The following NALCN variants were observed in gnomAD, a reference collection of about 807,000 sequenced individuals.
NALCN encodes the protein sodium leak channel NALCN.
In NALCN, 111 loss-of-function variants were observed where a neutral mutation model predicts 225.3. That is an observed-to-expected ratio of 0.49 (90% CI 0.42 to 0.58). The LOEUF is 0.58. Ranked by LOEUF, NALCN falls within the 20% of genes least tolerant of loss-of-function variation. NALCN has a pLI of 0.00. For missense variants in NALCN, 1,378 were observed against 2,202.4 expected (o/e 0.63, Z 7.49); for synonymous variants, 764 against 769.0 (o/e 0.99, Z 0.11).
chr13:101,362,220 G>A (rs2046270581), intron 6 of NALCN, among the ~76,000 whole-genome samples: 1 of 151,940 alleles, frequency 6.6e-6, no homozygotes, highest in East Asian at 1.9e-4. Context: ...AAACTTTAAT[G>A]TAGAAATTAT....
At chr13:101,317,495 T>C (rs1019409906) in intron 7 of NALCN, among the ~76,000 whole-genome samples, 5 of 152,206 alleles carry the variant, frequency 3.3e-5, no homozygotes, top group Non-Finnish European at 5.9e-5. Flanking sequence ...TTTAAACCCA[T>C]AAGGTATGGT....
chr13:101,364,913 G>A (rs963166045), intron 6 of NALCN, among the ~76,000 whole-genome samples: 5 of 152,038 alleles, frequency 3.3e-5, no homozygotes, highest in Admixed American at 2.0e-4. Context: ...TCAAGAAGAC[G>A]TCATAGACCG....
chr13:101,070,063 G>GTTCTTTTTTTTTTT lies in NALCN; in HGVS notation c.4198-1237_4198-1236insAAAAAAAAAAAGAA, dbSNP rs536866923. On this transcript the variant is annotated intron_variant, in intron 37 of 43. Coordinates refer to ENST00000251127, the MANE Select transcript of NALCN (RefSeq NM_052867.4). ...TGACCTCCTTCCATGAATCATGAAT[G>GTTCTTTTTTTTTTT]TTTTTTTTTTTTTTTTTTTTTGAGA... Among the ~76,000 whole-genome samples, 9 of 98,312 alleles carry GTTCTTTTTTTTTTT rather than the reference G, an allele frequency of 9.2e-5. 1 individual carries two copies. Among genetic ancestry groups the GTTCTTTTTTTTTTT allele is most frequent in the African/African-American group, 1.3e-4 (3 of 23,656 alleles). The allele number at this position is 98,312 out of a possible 152,430, so 64.5% of individuals were successfully genotyped here. A position where few individuals can be genotyped will look rare whatever the true frequency, so the allele number is the denominator to read the frequency against.
intron 3 of NALCN, among the ~76,000 whole-genome samples, chr13:101,389,841 G>A (rs1375936523): frequency 6.6e-6 from 1 of 152,212 alleles, no homozygotes; most frequent in Non-Finnish European, 1.5e-5. Flanking sequence ...CAGAACCTTG[G>A]GAGGCCAAGG....
chr13:101,111,386 T>C (rs1031923812), intron 18 of NALCN, among the ~76,000 whole-genome samples, 160 bp from the exon 19 acceptor site: 1 of 152,198 alleles, frequency 6.6e-6, no homozygotes, highest in African/African-American at 2.4e-5. Flanking sequence ...AACTTTACGC[T>C]CTGCGTCAAG....
rs755642903 is a variant in NALCN at position 101,377,005 on chromosome 13, G to T, written c.427C>A (p.Arg143=). Residue 143 remains arginine (R), a synonymous_variant, in exon 5 of 44, where the codon CGG becomes AGG. Coordinates refer to ENST00000251127, the MANE Select transcript of NALCN (RefSeq NM_052867.4). ...ATCATAATCAGTGGCCGTGGAATCC[G>T]CAACATGCCCCAAGGTGACATCTGA... ...VDQMSPWGML[R]IPRPLIMIRA... The T allele has an allele frequency of 6.2e-7, 1 of 1,614,098 alleles. No individual in the cohort carries two copies. Among genetic ancestry groups the T allele is most frequent in the Non-Finnish European group, 8.5e-7 (1 of 1,180,006 alleles).
chr13:101,298,884 A>C (rs2043851207), intron 7 of NALCN, among the ~76,000 whole-genome samples: 1 of 152,200 alleles, frequency 6.6e-6, no homozygotes. Flanking sequence ...ATTGAGAAAC[A>C]CTTTTCTAAC....
chr13:101,180,432 T>G (rs1046832508), intron 14 of NALCN: 1 of 151,326 alleles, frequency 6.6e-6, no homozygotes, highest in African/African-American at 2.4e-5. Flanking sequence ...CTTGAACTCC[T>G]GAGCTCATGA....
chr13:101,062,956 C>A (rs2032079119), intron 40 of NALCN, among the ~76,000 whole-genome samples: 1 of 152,232 alleles, frequency 6.6e-6, no homozygotes, highest in Non-Finnish European at 1.5e-5. Context: ...ATATCCACTC[C>A]CATTTAACCC....
chr13:101,337,996 T>C (rs1045979407), intron 7 of NALCN, among the ~76,000 whole-genome samples: 9 of 152,178 alleles, frequency 5.9e-5, no homozygotes, highest in African/African-American at 1.9e-4. Context: ...ACACAATGGA[T>C]GCAAAACCTT....
intron 7 of NALCN, among the ~76,000 whole-genome samples, chr13:101,329,279 T>A (rs1313971212): frequency 1.3e-5 from 2 of 152,334 alleles, no homozygotes; most frequent in East Asian, 3.9e-4. Flanking sequence ...GAATTAGGGT[T>A]TTTATTTCAT....
Position 101,279,832 on chromosome 13 carries a change from AAATAAAATAAATAAAT to A in NALCN, c.1134+4085_1134+4100del, listed in dbSNP as rs1410761307. ...ACTCCGTCTCAAAAAATAAATAAAT[AAATAAAATAAATAAAT>A]AAATAAATAAATAAATAAATAAATA... On this transcript the variant is annotated intron_variant, in intron 10 of 43. Transcript: ENST00000251127. 9.6e-4 allele frequency among the ~76,000 whole-genome samples: 46 copies of A among 48,138 alleles called. 2 individuals carry two copies. Among genetic ancestry groups the A allele is most frequent in the African/African-American group, 1.4e-3 (26 of 18,672 alleles). 31.6% of individuals were successfully genotyped at this position (48,138 alleles called of 152,430 possible).
At chr13:101,092,242 C>T (rs1201511827) in intron 28 of NALCN, among the ~76,000 whole-genome samples, 1 of 152,070 alleles carries the variant, frequency 6.6e-6, no homozygotes, top group Non-Finnish European at 1.5e-5. Flanking sequence ...TGCTCCAAGG[C>T]CCCCCAAGAT....
chr13:101,167,876 G>GT (rs1414203207), intron 15 of NALCN, among the ~76,000 whole-genome samples: 2 of 150,862 alleles, frequency 1.3e-5, no homozygotes, highest in South Asian at 2.1e-4. Flanking sequence ...TCGAATCATC[G>GT]TAAGTCAGAA....
At chr13:101,346,117 T>A (rs1216710662) in intron 6 of NALCN, among the ~76,000 whole-genome samples, 6 of 107,658 alleles carry the variant, frequency 5.6e-5, no homozygotes, top group Admixed American at 4.2e-4. Context: ...ATATATGATG[T>A]TATTTGCAAA....
At chr13:101,326,959 TAAAC>T (rs1012439207) in intron 7 of NALCN, among the ~76,000 whole-genome samples, 4 of 152,182 alleles carry the variant, frequency 2.6e-5, no homozygotes, top group African/African-American at 9.6e-5. Context: ...AGTACTCAGA[TAAAC>T]AAGAGAGAGA....
chr13:101,396,203 T>C (rs2047288291), intron 2 of NALCN, among the ~76,000 whole-genome samples: 1 of 152,064 alleles, frequency 6.6e-6, no homozygotes, highest in African/African-American at 2.4e-5. Context: ...AACATGAATA[T>C]ATATACAGGA....
chr13:101,269,231 TA>T (rs1566509126), intron 10 of NALCN, among the ~76,000 whole-genome samples: 39 of 150,516 alleles, frequency 2.6e-4, no homozygotes, highest in East Asian at 1.4e-3. Context: ...TATATATATA[TA>T]TATATATATT....
At chr13:101,066,321 A>C (rs1412574445) in intron 39 of NALCN, among the ~76,000 whole-genome samples, 1 of 151,928 alleles carries the variant, frequency 6.6e-6, no homozygotes, top group Admixed American at 6.6e-5. Context: ...AAAAAAAAAA[A>C]AAAGAGCTAA....
Sources: allele counts gnomAD v4.1 joint callset (sites outside exome capture counted in the v4.1 genomes callset), GRCh38; gene constraint gnomAD v4.1.1; transcripts MANE v1.5; gene names NCBI Gene and HGNC (gene_info 2026-07-23, HGNC 2026-07-21).